The following SH3KBP1 variants were observed in gnomAD, a reference collection of about 807,000 sequenced individuals.
The protein encoded by SH3KBP1 is SH3 domain-containing kinase-binding protein 1.
Under a neutral mutation model 50.1 loss-of-function variants are expected in SH3KBP1, and 8 were observed. That is an observed-to-expected ratio of 0.16 (90% CI 0.09 to 0.29). The LOEUF is 0.29. SH3KBP1 is among the 10% of genes least tolerant of loss of function. SH3KBP1 has a pLI of 1.00. For missense variants in SH3KBP1, 377 were observed against 535.2 expected, an observed-to-expected ratio of 0.70 and a Z score of 2.92; for synonymous variants, 227 against 218.6, an observed-to-expected ratio of 1.04 and a Z score of -0.34.
chrX:19,541,768 C>G (rs1340628994), intron 16 of SH3KBP1, among the ~76,000 whole-genome samples, 157 bp downstream of exon 16: 1 of 111,663 alleles, frequency 9.0e-6, no homozygotes, highest in Non-Finnish European at 1.9e-5. Context: ...AATTAAGACT[C>G]TCGGGGTCTA....
intron 2 of SH3KBP1, among the ~76,000 whole-genome samples, chrX:19,765,559 TGTG>T (rs2065580638): frequency 8.9e-6 from 1 of 112,117 alleles, no homozygotes. Context: ...TTTTTTTAAT[TGTG>T]GTAAATACAC....
intron 7 of SH3KBP1, among the ~76,000 whole-genome samples, chrX:19,639,792 T>C (rs1419520370): frequency 1.8e-5 from 2 of 109,899 alleles, no homozygotes; most frequent in Non-Finnish European, 3.8e-5. Context: ...GGCCCAAGAA[T>C]GAGTGAGTTT....
intron 2 of SH3KBP1, among the ~76,000 whole-genome samples, chrX:19,769,132 T>C (rs1300667796): frequency 1.0e-5 from 1 of 100,306 alleles, no homozygotes; most frequent in Non-Finnish European, 2.0e-5. Context: ...CAGGCTAGAG[T>C]ACAGAGCAGT....
At position 19,758,004 on chromosome X, in the gene SH3KBP1, GT is replaced by G. The variant is rs970621672; in HGVS notation, c.163-11564del. Among the ~76,000 whole-genome samples the G allele has an allele frequency of 7.3e-4, 80 of 108,853 alleles. 1 individual carries two copies. The highest frequency in any genetic ancestry group is 5.6e-4 in the Non-Finnish European group (29 of 52,159). 94.5% of individuals were successfully genotyped at this position (108,853 alleles called of 115,157 possible). A position where few individuals can be genotyped will look rare whatever the true frequency, so the allele number is the denominator to read the frequency against. ...AATCAGGCAAAACCCAATAATCAAT[GT>G]TTTTTTTTCAGTCATGTGATATAAA... On this transcript the variant is annotated intron_variant, in intron 2 of 17. Transcript: ENST00000397821.
chrX:19,540,764 C>T (rs182170888), intron 16 of SH3KBP1, among the ~76,000 whole-genome samples: 57 of 111,873 alleles, frequency 5.1e-4, no homozygotes, highest in East Asian at 3.1e-3. Flanking sequence ...GATGTTTTCG[C>T]TGCTGGAGTA....
At chrX:19,661,429 A>G (rs1483259249) in intron 6 of SH3KBP1, among the ~76,000 whole-genome samples, 1 of 111,386 alleles carries the variant, frequency 9.0e-6, no homozygotes, top group Non-Finnish European at 1.9e-5. Context: ...GGAAAAAATT[A>G]TGTGTGTGGT....
intron 3 of SH3KBP1, among the ~76,000 whole-genome samples, chrX:19,723,512 T>C (rs1451832433): frequency 8.9e-6 from 1 of 112,198 alleles, no homozygotes; most frequent in Non-Finnish European, 1.9e-5. Flanking sequence ...TACCACTATG[T>C]GTTTGAAATT....
chrX:19,826,250 T>C (rs756006352), intron 2 of SH3KBP1, among the ~76,000 whole-genome samples: 2 of 111,989 alleles, frequency 1.8e-5, no homozygotes, highest in Non-Finnish European at 3.8e-5. Flanking sequence ...CCTCTAGAAG[T>C]TACATTTGTG....
intron 1 of SH3KBP1, among the ~76,000 whole-genome samples, chrX:19,868,592 A>G (rs531141356): frequency 9.4e-6 from 1 of 106,123 alleles, no homozygotes; most frequent in Admixed American, 9.9e-5. Context: ...TTTAAAAAAT[A>G]CAGATGCTTC....
At chrX:19,774,661 AGAAAGAAAGAAAGAAAGAAAGAAAGAAAG>A (rs2065911875) in intron 2 of SH3KBP1, among the ~76,000 whole-genome samples, 2 of 47,585 alleles carry the variant, frequency 4.2e-5, no homozygotes, top group African/African-American at 4.4e-4. Context: ...AAAAAAAGAA[AGAAAGAAAGAAAGAAAGAAAGAAAGAAAG>A]AAAGAAAGAA....
chrX:19,850,516 A>T (rs2068478755), intron 1 of SH3KBP1, among the ~76,000 whole-genome samples: 1 of 111,345 alleles, frequency 9.0e-6, no homozygotes, highest in Admixed American at 9.5e-5. Flanking sequence ...AGCACAATCA[A>T]AAGTGTGTTC....
At chrX:19,663,995 C>A (rs1380934412) in intron 6 of SH3KBP1, among the ~76,000 whole-genome samples, 1 of 111,962 alleles carries the variant, frequency 8.9e-6, no homozygotes, top group Admixed American at 9.4e-5. Context: ...GAGGCTGAGG[C>A]AGAAGATGGC....
chrX:19,820,640 G>GT (rs537818553), intron 2 of SH3KBP1, among the ~76,000 whole-genome samples: 3,589 of 103,656 alleles, frequency 0.035, 53 homozygotes, highest in Non-Finnish European at 0.054. Context: ...GTTGAGTCAA[G>GT]TTTTTTTTTT....
chrX:19,760,041 C>CCTCTCCCTCTCCCTCTCCCTCT (rs1556346157), intron 2 of SH3KBP1, among the ~76,000 whole-genome samples: 1 of 50,457 alleles, frequency 2.0e-5, no homozygotes, highest in African/African-American at 9.3e-5. Flanking sequence ...TCTCTCTCTC[C>CCTCTCCCTCTCCCTCTCCCTCT]CTCTCTCTCT....
rs368878404 is a variant in SH3KBP1 at position 19,643,599 on chromosome X, C to G, written c.802+1801G>C. ...AAAATGTCTGTCAATAAACATCCCT[C>G]AAGCCTTTGATGACAGTAATAATTC... is the stretch of plus-strand genomic sequence containing the variant. On this transcript the variant is annotated intron_variant, in intron 7 of 17. Coordinates refer to ENST00000397821, the MANE Select transcript of SH3KBP1 (RefSeq NM_031892.3). Among the ~76,000 whole-genome samples the G allele has an allele frequency of 1.1e-4, 12 of 110,597 alleles. 1 individual carries two copies. The highest frequency in any genetic ancestry group is 4.0e-4 in the African/African-American group (12 of 30,280).
At chrX:19,865,884 AAT>A (rs1210770954) in intron 1 of SH3KBP1, among the ~76,000 whole-genome samples, 2 of 111,965 alleles carry the variant, frequency 1.8e-5, no homozygotes, top group Non-Finnish European at 3.8e-5. Context: ...CAACAGTTCA[AAT>A]ATTAAGCCAG....
chrX:19,864,212 A>C (rs1326127547), intron 1 of SH3KBP1, among the ~76,000 whole-genome samples: 1 of 111,708 alleles, frequency 9.0e-6, no homozygotes, highest in Non-Finnish European at 1.9e-5. Context: ...CAAATATAGA[A>C]GCCATCTTCC....
At chrX:19,628,560 C>G (rs1209949379) in intron 8 of SH3KBP1, among the ~76,000 whole-genome samples, 1 of 111,436 alleles carries the variant, frequency 9.0e-6, no homozygotes, top group Non-Finnish European at 1.9e-5. Flanking sequence ...CCGCTTCCGG[C>G]AAACTGGAAT....
intron 1 of SH3KBP1, among the ~76,000 whole-genome samples, chrX:19,854,165 G>GTATGATCT (rs2068587433): frequency 9.1e-6 from 1 of 109,929 alleles, no homozygotes; most frequent in African/African-American, 3.3e-5. Flanking sequence ...GCCCAGGCTG[G>GTATGATCT]AGTGCAGTGG....
Sources: gnomAD v4.1 joint callset for allele counts (sites outside exome capture counted in the v4.1 genomes callset) on GRCh38, gnomAD v4.1.1 for gene constraint, MANE v1.5 for transcripts, NCBI Gene and HGNC (gene_info 2026-07-23, HGNC 2026-07-21) for gene names.